The following DDRGK1 variants were observed in gnomAD, a reference collection of about 807,000 sequenced individuals.
The protein encoded by DDRGK1 is DDRGK domain containing 1, also known as DDRGK domain-containing protein 1.
DDRGK1 carries 38 observed loss-of-function variants against 45.8 expected under a neutral mutation model. That is an observed-to-expected ratio of 0.83 (90% CI 0.64 to 1.09). The LOEUF (loss-of-function observed/expected upper bound fraction) is 1.09. Among genes scored for constraint, DDRGK1 ranks in the 50% least tolerant of loss-of-function variants. The pLI is 0.00. For synonymous variants in DDRGK1, 171 were observed against 168.7 expected (o/e 1.01, Z -0.11); for missense variants, 403 against 419.9 (o/e 0.96, Z 0.35).
intron 2 of DDRGK1, among the ~76,000 whole-genome samples, chr20:3,201,596 G>A (rs2067039922): frequency 6.6e-6 from 1 of 151,910 alleles, no homozygotes. Context: ...GATATTTAAG[G>A]TACTGTGGCT....
chr20:3,197,950 A>G (rs1001879512), intron 4 of DDRGK1, among the ~76,000 whole-genome samples: 4 of 150,612 alleles, frequency 2.7e-5, no homozygotes, highest in African/African-American at 9.8e-5. Context: ...GGTTAAGATC[A>G]TCAAAAGCAA....
chr20:3,197,763 C>T (rs1005330764), intron 4 of DDRGK1, among the ~76,000 whole-genome samples: 7 of 151,708 alleles, frequency 4.6e-5, no homozygotes, highest in African/African-American at 1.7e-4. Context: ...AACCCCGCCT[C>T]TACCAAAAAT....
intron 2 of DDRGK1, among the ~76,000 whole-genome samples, chr20:3,202,719 A>C (rs1249919524): frequency 2.6e-5 from 4 of 152,102 alleles, no homozygotes; most frequent in Non-Finnish European, 5.9e-5. Flanking sequence ...CCTCAGGCTC[A>C]AGCCAGCTGC....
chr20:3,192,378 G>C (rs1376654117), intron 6 of DDRGK1, among the ~76,000 whole-genome samples: 1 of 152,210 alleles, frequency 6.6e-6, no homozygotes, highest in African/African-American at 2.4e-5. Flanking sequence ...CGGCTGGTGA[G>C]ACAGGTGAGT....
At position 3,191,849 on chromosome 20, in the gene DDRGK1, G is replaced by A. The variant is rs768682472; in HGVS notation, c.673-28C>T. 5 of 1,593,308 alleles carry A rather than the reference G, an allele frequency of 3.1e-6. No individual in the cohort carries two copies. In the East Asian group the frequency reaches 9.0e-5, roughly 29 times the overall value. On this transcript the variant is annotated intron_variant, in intron 6 of 8. Transcript: ENST00000354488. ...ACAAAAAGAAGGAGGAAAAGAAAGA[G>A]AGGCTGAGCTTGGGCAAATCCCTCT... is the stretch of plus-strand genomic sequence containing the variant.
intron 4 of DDRGK1, among the ~76,000 whole-genome samples, chr20:3,198,870 GGT>G (rs2067023711): frequency 6.8e-6 from 1 of 146,046 alleles, no homozygotes; most frequent in Non-Finnish European, 1.5e-5. Context: ...GGTCAGGTGT[GGT>G]GGCTCACACC....
Position 3,194,850 on chromosome 20 carries a change from C to G in DDRGK1, c.652G>C (p.Glu218Gln). 1 of 1,614,150 alleles carries G rather than the reference C, an allele frequency of 6.2e-7. No homozygotes were observed. The highest frequency in any genetic ancestry group is 1.1e-5 in the South Asian group (1 of 91,082). The stretch of plus-strand genomic sequence containing the variant: ...CTTACCTTGATGTAGTTGATGAACT[C>G]TGTCAGGAAGCTCTGGGACTAGAGA... Reference protein sequence around the residue: ...TEEQSQSFLTEFINYIKQSKV... With the variant: ...TEEQSQSFLTQFINYIKQSKV... Residue 218 changes from glutamate to glutamine, a missense_variant, in exon 6 of 9, where the codon GAG (glutamate) becomes CAG (glutamine). Transcript: ENST00000354488.
At chr20:3,194,728 G>C (rs1470082611) in intron 6 of DDRGK1, 102 bp downstream of exon 6, 4 of 1,492,302 alleles carry the variant, frequency 2.7e-6, no homozygotes, top group African/African-American at 1.4e-5. Context: ...GTCCACTCCT[G>C]CATGAGCCTG....
chr20:3,191,844 A>G (rs73075075), intron 6 of DDRGK1, 23 bp from the exon 7 acceptor site: 253,313 of 1,596,674 alleles, frequency 0.16, 22,226 homozygotes, highest in Non-Finnish European at 0.18. Flanking sequence ...GGAGGAAAAG[A>G]AAGAGAGGCT....
intron 2 of DDRGK1, among the ~76,000 whole-genome samples, chr20:3,201,689 G>T (rs1410917352): frequency 1.2e-4 from 18 of 150,408 alleles, no homozygotes; most frequent in African/African-American, 4.2e-4. Flanking sequence ...ACGGAGTCTC[G>T]CTCTGTTGCC....
At chr20:3,204,414 G>A in intron 1 of DDRGK1, 123 bp downstream of exon 1, 1 of 971,146 alleles carries the variant, frequency 1.0e-6, no homozygotes, top group Non-Finnish European at 1.5e-6. Context: ...ACTAGCGCAC[G>A]GACGCGCATG....
At chr20:3,198,129 C>T (rs1169947327) in intron 4 of DDRGK1, among the ~76,000 whole-genome samples, 1 of 143,348 alleles carries the variant, frequency 7.0e-6, no homozygotes, top group African/African-American at 2.6e-5. Context: ...AAAAAAAGGC[C>T]GGGCACAGTG....
At chr20:3,197,305 C>CAT (rs2067015472) in intron 4 of DDRGK1, among the ~76,000 whole-genome samples, 1 of 151,092 alleles carries the variant, frequency 6.6e-6, no homozygotes, top group African/African-American at 2.4e-5. Flanking sequence ...AAGAGATTTC[C>CAT]ATATAATTTA....
intron 4 of DDRGK1, among the ~76,000 whole-genome samples, chr20:3,199,621 A>G (rs1017172373): frequency 2.6e-5 from 4 of 152,206 alleles, no homozygotes. Context: ...TCTGTATGCC[A>G]GGCCCTCGAT....
At position 3,195,218 on chromosome 20, in the gene DDRGK1, G is replaced by A. The variant is rs748028967; in HGVS notation, c.633+13C>T. The A allele has an allele frequency of 2.5e-6, 4 of 1,614,022 alleles. No homozygotes were observed. Among genetic ancestry groups the A allele is most frequent in the South Asian group, 1.1e-5 (1 of 91,086 alleles). On this transcript the variant is annotated intron_variant, in intron 5 of 8. Coordinates refer to ENST00000354488, the MANE Select transcript of DDRGK1 (RefSeq NM_023935.3). ...GGGTGCAGAGAGGGGCTTCCCAGGG[G>A]CAGCAGGCCCACCTGTTCCTCAGTC... is the stretch of plus-strand genomic sequence containing the variant.
At chr20:3,196,141 G>A (rs1012468579) in intron 4 of DDRGK1, among the ~76,000 whole-genome samples, 1 of 152,058 alleles carries the variant, frequency 6.6e-6, no homozygotes, top group African/African-American at 2.4e-5. Flanking sequence ...ACAGCTACTG[G>A]GCCATCTCAC....
At chr20:3,203,714 AC>A (rs941295436) in intron 1 of DDRGK1, among the ~76,000 whole-genome samples, 5 of 151,816 alleles carry the variant, frequency 3.3e-5, no homozygotes, top group African/African-American at 7.3e-5. Context: ...CTCATCGAGT[AC>A]CCCCTGCAGG....
At chr20:3,196,502 C>A (rs1450536257) in intron 4 of DDRGK1, among the ~76,000 whole-genome samples, 2 of 122,790 alleles carry the variant, frequency 1.6e-5, no homozygotes, top group East Asian at 4.5e-4. Context: ...ACGGTGAAAC[C>A]CTGTCTCCAC....
At chr20:3,202,011 G>A (rs1432591697) in intron 2 of DDRGK1, among the ~76,000 whole-genome samples, 2 of 144,272 alleles carry the variant, frequency 1.4e-5, no homozygotes, top group African/African-American at 2.6e-5. Flanking sequence ...ACGGAGTCTC[G>A]CTCTGTCGCC....
Sources: allele counts gnomAD v4.1 joint callset (sites outside exome capture counted in the v4.1 genomes callset), GRCh38; gene constraint gnomAD v4.1.1; transcripts MANE v1.5; gene names NCBI Gene and HGNC (gene_info 2026-07-23, HGNC 2026-07-21).